The following HIBADH variants were observed in gnomAD, a reference collection of about 807,000 sequenced individuals.
The protein encoded by HIBADH is 3-hydroxyisobutyrate dehydrogenase.
In HIBADH, 25 loss-of-function variants were observed where a neutral mutation model predicts 36.1. The observed-to-expected ratio is 0.69, with a 90% CI of 0.50 to 0.97. The LOEUF (loss-of-function observed/expected upper bound fraction) is 0.97, where lower values mean the gene tolerates loss of function less well. Ranked by LOEUF, HIBADH falls within the 50% of genes least tolerant of loss-of-function variation. The pLI, the probability that HIBADH is intolerant of heterozygous loss-of-function variation, is 0.00. For missense variants in HIBADH, 421 were observed against 418.0 expected, an observed-to-expected ratio of 1.01 and a Z score of -0.06; for synonymous variants, 160 against 149.5, an observed-to-expected ratio of 1.07 and a Z score of -0.51.
chr7:27,623,197 A>C (rs935413033), intron 4 of HIBADH, among the ~76,000 whole-genome samples: 4 of 152,222 alleles, frequency 2.6e-5, no homozygotes, highest in African/African-American at 9.6e-5. Context: ...ATTTGATAAA[A>C]TTCCACATCC....
At chr7:27,656,946 C>G (rs1316674774) in intron 1 of HIBADH, among the ~76,000 whole-genome samples, 1 of 152,148 alleles carries the variant, frequency 6.6e-6, no homozygotes, top group Non-Finnish European at 1.5e-5. Flanking sequence ...TGCAGGTTGA[C>G]TCTCCAATAT....
chr7:27,556,715 C>CTTT (rs1784393103), intron 4 of HIBADH, among the ~76,000 whole-genome samples: 1 of 152,168 alleles, frequency 6.6e-6, no homozygotes, highest in South Asian at 2.1e-4. Context: ...CCTATACATA[C>CTTT]AAAGGTCTGT....
At chr7:27,651,943 G>GATAGGAGGGT (rs1786203201) in intron 1 of HIBADH, among the ~76,000 whole-genome samples, 1 of 152,134 alleles carries the variant, frequency 6.6e-6, no homozygotes, top group Non-Finnish European at 1.5e-5. Context: ...ATTTCAAATG[G>GATAGGAGGGT]ATAGGAGGGT....
At chr7:27,579,515 A>G (rs3735570) in intron 4 of HIBADH, among the ~76,000 whole-genome samples, 19,001 of 152,218 alleles carry the variant, frequency 0.12, 1,539 homozygotes, top group East Asian at 0.38. Flanking sequence ...CAATGAAGGT[A>G]GTTATCTTTT....
intron 4 of HIBADH, among the ~76,000 whole-genome samples, chr7:27,570,557 T>C (rs1784613528): frequency 6.6e-6 from 1 of 152,144 alleles, no homozygotes. Flanking sequence ...CAAAAAAGCA[T>C]GCGGGGAGTT....
intron 1 of HIBADH, 107 bp downstream of exon 1, chr7:27,662,591 C>A: frequency 1.5e-6 from 1 of 650,726 alleles, no homozygotes; most frequent in Non-Finnish European, 2.3e-6. Flanking sequence ...TTTTTTAAGC[C>A]CCAGCCCAAC....
At chr7:27,567,970 C>T (rs2128187646) in intron 4 of HIBADH, among the ~76,000 whole-genome samples, 1 of 152,230 alleles carries the variant, frequency 6.6e-6, no homozygotes, top group African/African-American at 2.4e-5. Flanking sequence ...TGAAAATGCA[C>T]ATTCAACTTA....
intron 4 of HIBADH, among the ~76,000 whole-genome samples, chr7:27,598,914 G>A (rs1785075863): frequency 1.3e-5 from 2 of 151,430 alleles, no homozygotes; most frequent in South Asian, 2.1e-4. Flanking sequence ...CAGGAAACAA[G>A]GACTTCTTTC....
At chr7:27,538,699 C>T (rs931070011) in intron 5 of HIBADH, among the ~76,000 whole-genome samples, 4 of 152,102 alleles carry the variant, frequency 2.6e-5, no homozygotes, top group Non-Finnish European at 5.9e-5. Flanking sequence ...TAGGGCACAA[C>T]TGCTCTTTAA....
At chr7:27,646,022 C>T (rs576864423) in intron 2 of HIBADH, among the ~76,000 whole-genome samples, 6 of 152,256 alleles carry the variant, frequency 3.9e-5, no homozygotes, top group East Asian at 1.9e-4. Flanking sequence ...AAGAATCCTT[C>T]GCCAAATCCA....
At chr7:27,563,272 A>T (rs1784493985) in intron 4 of HIBADH, among the ~76,000 whole-genome samples, 1 of 152,182 alleles carries the variant, frequency 6.6e-6, no homozygotes, top group Non-Finnish European at 1.5e-5. Flanking sequence ...TATTCCCTGT[A>T]TGGAGGTTAC....
chr7:27,635,836 T>C (rs753870652), intron 2 of HIBADH, among the ~76,000 whole-genome samples: 3 of 152,208 alleles, frequency 2.0e-5, no homozygotes, highest in Admixed American at 6.5e-5. Flanking sequence ...ACTTATACTA[T>C]TATGAATTAA....
At chr7:27,569,546 G>A (rs1419050446) in intron 4 of HIBADH, among the ~76,000 whole-genome samples, 1 of 152,004 alleles carries the variant, frequency 6.6e-6, no homozygotes, top group Admixed American at 6.6e-5. Flanking sequence ...GCTGTTTAGG[G>A]TCAGATCTAT....
intron 4 of HIBADH, among the ~76,000 whole-genome samples, chr7:27,574,105 C>A (rs1447243935): frequency 6.6e-6 from 1 of 151,992 alleles, no homozygotes; most frequent in African/African-American, 2.4e-5. Flanking sequence ...AGTTTGACTC[C>A]AAAAATGAGC....
intron 4 of HIBADH, 31 bp downstream of exon 4, chr7:27,629,340 T>C: frequency 1.3e-6 from 2 of 1,597,000 alleles, no homozygotes; most frequent in Non-Finnish European, 1.7e-6. Context: ...CAAACATAAA[T>C]AGGTTTGCAT....
At chr7:27,609,961 C>T (rs1021243130) in intron 4 of HIBADH, among the ~76,000 whole-genome samples, 17 of 151,896 alleles carry the variant, frequency 1.1e-4, no homozygotes, top group African/African-American at 4.1e-4. Context: ...GGATTAGAGG[C>T]AAGCACCACC....
At chr7:27,565,584 CT>C (rs1294783615) in intron 4 of HIBADH, among the ~76,000 whole-genome samples, 1 of 152,160 alleles carries the variant, frequency 6.6e-6, no homozygotes, top group Non-Finnish European at 1.5e-5. Flanking sequence ...ACTCCTTGAA[CT>C]TTTCTACATG....
At chr7:27,546,190 C>T (rs978631867) in intron 4 of HIBADH, among the ~76,000 whole-genome samples, 1 of 152,190 alleles carries the variant, frequency 6.6e-6, no homozygotes, top group African/African-American at 2.4e-5. Flanking sequence ...GCAGCCTCAA[C>T]TTCCCAGGCT....
chr7:27,591,914 G>A (rs150822636), intron 4 of HIBADH, among the ~76,000 whole-genome samples: 86 of 152,290 alleles, frequency 5.6e-4, no homozygotes, highest in African/African-American at 1.9e-3. Flanking sequence ...ACCTTCATGT[G>A]AGTGTCTTGT....
Sources: gnomAD v4.1 joint callset for allele counts (sites outside exome capture counted in the v4.1 genomes callset) on GRCh38, gnomAD v4.1.1 for gene constraint, MANE v1.5 for transcripts, NCBI Gene and HGNC (gene_info 2026-07-23, HGNC 2026-07-21) for gene names.